The following AUTS2 variants were observed in gnomAD, a reference collection of about 807,000 sequenced individuals.
AUTS2 encodes autism susceptibility gene 2 protein.
A neutral mutation model predicts 112.4 loss-of-function variants in AUTS2; 17 were observed. The ratio of observed to expected loss-of-function variants is 0.15; its 90% confidence interval spans 0.10 to 0.23. The LOEUF (loss-of-function observed/expected upper bound fraction) is 0.23. Ranked by LOEUF, AUTS2 falls within the 10% of genes least tolerant of loss-of-function variation. The pLI is 1.00. For synonymous variants in AUTS2, 751 were observed against 702.7 expected, an observed-to-expected ratio of 1.07 and a Z score of -1.09; for missense variants, 1,510 against 1,701.6, an observed-to-expected ratio of 0.89 and a Z score of 1.98.
chr7:70,072,004 A>C (rs958582003), intron 2 of AUTS2, among the ~76,000 whole-genome samples: 35 of 152,324 alleles, frequency 2.3e-4, no homozygotes, highest in Admixed American at 1.9e-3. Flanking sequence ...CTGCGGCCCA[A>C]GGGAAAACTC....
At chr7:70,487,253 C>CA (rs1798049431) in intron 5 of AUTS2, among the ~76,000 whole-genome samples, 1 of 152,172 alleles carries the variant, frequency 6.6e-6, no homozygotes, top group Admixed American at 6.5e-5. Flanking sequence ...GCCAACCCTC[C>CA]ATAGTGTGCT....
chr7:70,691,874 ATT>A (rs34314079), intron 5 of AUTS2, among the ~76,000 whole-genome samples: 6 of 131,810 alleles, frequency 4.6e-5, no homozygotes, highest in Non-Finnish European at 1.6e-5. Flanking sequence ...ATTGATGACA[ATT>A]TTTTTTTTTT....
intron 2 of AUTS2, among the ~76,000 whole-genome samples, chr7:70,107,335 C>CG (rs1804817126): frequency 1.0e-5 from 1 of 96,936 alleles, no homozygotes; most frequent in African/African-American, 4.0e-5. Flanking sequence ...AGATGAGAAG[C>CG]TTTTTTTTTT....
intron 5 of AUTS2, among the ~76,000 whole-genome samples, chr7:70,597,320 C>T (rs867694460): frequency 6.6e-6 from 1 of 152,258 alleles, no homozygotes; most frequent in Admixed American, 6.5e-5. Flanking sequence ...AGCTCCCTCT[C>T]TCCTGCCGGG....
chr7:70,544,535 C>A (rs1684764716), intron 5 of AUTS2, among the ~76,000 whole-genome samples: 1 of 152,148 alleles, frequency 6.6e-6, no homozygotes, highest in Admixed American at 6.5e-5. Context: ...GCCCCACCAA[C>A]CTTAATTGAG....
intron 4 of AUTS2, among the ~76,000 whole-genome samples, chr7:70,407,832 A>G (rs939145621): frequency 1.3e-5 from 2 of 152,046 alleles, no homozygotes; most frequent in African/African-American, 4.8e-5. Flanking sequence ...AGGCGGGCGG[A>G]TCATGGGGTC....
At chr7:69,747,929 T>C (rs1451333467) in intron 1 of AUTS2, among the ~76,000 whole-genome samples, 1 of 152,100 alleles carries the variant, frequency 6.6e-6, no homozygotes, top group Non-Finnish European at 1.5e-5. Context: ...GTTCATAGGG[T>C]TTCTTTGCTG....
chr7:70,112,416 A>T (rs1312154496), intron 2 of AUTS2, among the ~76,000 whole-genome samples: 1 of 152,002 alleles, frequency 6.6e-6, no homozygotes, highest in African/African-American at 2.4e-5. Context: ...TAGATCCTCT[A>T]GGTGTGTCTC....
chr7:69,936,210 C>G (rs1412157036), intron 2 of AUTS2, among the ~76,000 whole-genome samples: 1 of 152,202 alleles, frequency 6.6e-6, no homozygotes, highest in Non-Finnish European at 1.5e-5. Flanking sequence ...TAGAAAGCAA[C>G]TAAAGTTTTT....
chr7:70,693,831 C>T (rs1808887393), intron 5 of AUTS2, among the ~76,000 whole-genome samples: 1 of 152,200 alleles, frequency 6.6e-6, no homozygotes, highest in South Asian at 2.1e-4. Flanking sequence ...GTTTCCGCCG[C>T]GCCCGCCCGC....
At chr7:70,677,867 A>G (rs1002222369) in intron 5 of AUTS2, among the ~76,000 whole-genome samples, 3 of 152,096 alleles carry the variant, frequency 2.0e-5, no homozygotes, top group African/African-American at 7.2e-5. Flanking sequence ...GTGGATCACA[A>G]GGTCAGGAGA....
intron 1 of AUTS2, among the ~76,000 whole-genome samples, chr7:69,722,619 C>T (rs1380755470): frequency 1.3e-5 from 2 of 152,164 alleles, no homozygotes; most frequent in African/African-American, 2.4e-5. Flanking sequence ...TACAGGTGTG[C>T]ACCACTGTGC....
intron 2 of AUTS2, among the ~76,000 whole-genome samples, chr7:70,096,709 A>T (rs1449240748): frequency 6.7e-6 from 1 of 148,360 alleles, no homozygotes; most frequent in Non-Finnish European, 1.5e-5. Context: ...TTACAGAGAG[A>T]ATAAAATTTA....
chr7:70,494,533 C>T (rs1798371912), intron 5 of AUTS2, among the ~76,000 whole-genome samples: 1 of 152,028 alleles, frequency 6.6e-6, no homozygotes, highest in African/African-American at 2.4e-5. Context: ...GCCCTGCTTC[C>T]CACATTTTCT....
rs887733195 is a variant in AUTS2 at position 70,396,055 on chromosome 7, G to A, written c.661-39697G>A. 4.6e-5 allele frequency among the ~76,000 whole-genome samples: 7 copies of A among 152,202 alleles called. No individual in the cohort carries two copies. In the South Asian group the frequency reaches 6.2e-4, roughly 13 times the overall value. On this transcript the variant is annotated intron_variant, in intron 4 of 18. Transcript: ENST00000342771. The stretch of plus-strand genomic sequence containing the variant: ...TTTTTAAAAGCAGCTTTATTGTGGT[G>A]TAATTGACATATGATAAGCTATGTA...
chr7:70,433,919 A>T (rs1267823169), intron 4 of AUTS2, among the ~76,000 whole-genome samples: 1 of 152,218 alleles, frequency 6.6e-6, no homozygotes, highest in Non-Finnish European at 1.5e-5. Flanking sequence ...AGCTTAAACA[A>T]TAAGGTAACT....
In AUTS2 at chr7:69,906,436, G is replaced by A. The variant is rs1241432821; in HGVS notation, c.522+6938G>A. On this transcript the variant is annotated intron_variant, in intron 2 of 18. Transcript: ENST00000342771. Reference sequence around the variant, plus strand: ...TGTGGTTTGCACTGGTGGTGGTGGGGAACTGAGCAGATGGTTGTGATAGCC... The same window carrying A: ...TGTGGTTTGCACTGGTGGTGGTGGGAAACTGAGCAGATGGTTGTGATAGCC... Among the ~76,000 whole-genome samples the A allele has an allele frequency of 5.3e-5, 8 of 152,302 alleles. No individual in the cohort carries two copies. In the East Asian group the frequency reaches 5.8e-4, roughly 11 times the overall value.
At chr7:70,618,768 G>C (rs537613960) in intron 5 of AUTS2, among the ~76,000 whole-genome samples, 1 of 152,182 alleles carries the variant, frequency 6.6e-6, no homozygotes, top group African/African-American at 2.4e-5. Context: ...GGGAGAGAGA[G>C]AGCAAGAGAA....
intron 5 of AUTS2, among the ~76,000 whole-genome samples, chr7:70,629,662 T>C (rs1805156102): frequency 6.6e-6 from 1 of 152,066 alleles, no homozygotes; most frequent in African/African-American, 2.4e-5. Flanking sequence ...GAGCTGACCA[T>C]ATAAGCTGAC....
Sources: allele counts gnomAD v4.1 joint callset (sites outside exome capture counted in the v4.1 genomes callset), GRCh38; gene constraint gnomAD v4.1.1; transcripts MANE v1.5; gene names NCBI Gene and HGNC (gene_info 2026-07-23, HGNC 2026-07-21).